RIOK2: variants seen among roughly 807,000 people sequenced by gnomAD.
RIOK2 encodes RIO kinase 2, also known as serine/threonine-protein kinase RIO2.
A neutral mutation model predicts 62.4 loss-of-function variants in RIOK2; 46 were observed. The ratio of observed to expected loss-of-function variants is 0.74; its 90% CI spans 0.58 to 0.94. RIOK2 has a LOEUF of 0.94. RIOK2 is among the 40% of genes least tolerant of loss of function. RIOK2 has a pLI of 0.00. For missense variants in RIOK2, 574 were observed against 658.0 expected (o/e 0.87, Z 1.40); for synonymous variants, 197 against 216.0 (o/e 0.91, Z 0.77).
At chr5:97,170,623 AG>A (rs1051487104) in intron 6 of RIOK2, among the ~76,000 whole-genome samples, 7 of 152,216 alleles carry the variant, frequency 4.6e-5, no homozygotes, top group African/African-American at 1.2e-4. Flanking sequence ...GTTTGAACAA[AG>A]GGTTCCATGG....
chr5:97,162,083 T>G lies in RIOK2; in HGVS notation c.*978A>C, dbSNP rs1748715582. ...TTGGAAAAGTCTGTACTATATTCCC[T>G]CTGGTAGAACATAATTAGGGATGCA... On this transcript the variant is annotated 3_prime_UTR_variant, in exon 10 of 10. Transcript: ENST00000283109. 6.6e-6 allele frequency: 1 copy of G among 152,166 alleles called. No individual in the cohort carries two copies. The highest frequency in any genetic ancestry group is 2.4e-5 in the African/African-American group (1 of 41,440). The allele number at this position is 152,166 out of a possible 1,614,324, so 9.4% of individuals were successfully genotyped here. A position where few individuals can be genotyped will look rare whatever the true frequency, so the allele number is the denominator to read the frequency against.
chr5:97,182,149 A>G (rs1396077432), intron 1 of RIOK2, among the ~76,000 whole-genome samples: 1 of 79,408 alleles, frequency 1.3e-5, no homozygotes, highest in Non-Finnish European at 2.7e-5. Flanking sequence ...CTTGATCTAT[A>G]TATTAATTTC....
At position 97,179,148 on chromosome 5, in the gene RIOK2, T is replaced by C. The variant is rs1226127884; in HGVS notation, c.112A>G (p.Ile38Val). ...TGTTTAAGGCTGGCTATAGAAGCAA[T>C]CAAACTGCCGGGAACAATTTCATGG... ...KNHEIVPGSL[I>V]ASIASLKHGG... Residue 38 changes from isoleucine to valine, a missense_variant, in exon 2 of 10, where the codon ATT (isoleucine) becomes GTT (valine). Physicochemically the swap from Ile to Val is conservative, Grantham distance 29 (BLOSUM62 3). Transcript: ENST00000283109. The C allele has an allele frequency of 6.2e-7, 1 of 1,613,760 alleles. No individual in the cohort carries two copies. Among genetic ancestry groups the C allele is most frequent in the Non-Finnish European group, 8.5e-7 (1 of 1,179,902 alleles).
chr5:97,173,203 C>T lies in RIOK2; in HGVS notation c.559G>A (p.Val187Ile). The change falls in exon 5 of 10, where the codon GTC becomes ATC. Residue 187 changes from valine (V) to isoleucine (I), a missense_variant. Transcript: ENST00000283109. ...KPIDYNRHAV[V>I]MELINGYPLC... ...GGATAACCATTTATGAGTTCCATGA[C>T]CACTGCATGACGATTGTAATCAATT... 5.6e-6 allele frequency: 9 copies of T among 1,612,650 alleles called. No homozygotes were observed. The highest frequency in any genetic ancestry group is 1.3e-5 in the African/African-American group (1 of 75,000).
chr5:97,180,027 A>AATATATATATTAT (rs1749327269), intron 1 of RIOK2, among the ~76,000 whole-genome samples: 2 of 63,460 alleles, frequency 3.2e-5, no homozygotes, highest in South Asian at 4.8e-4. Flanking sequence ...ATATATATAT[A>AATATATATATTAT]ATATATATAT....
chr5:97,183,031 G>A, intron 1 of RIOK2, 95 bp downstream of exon 1: 1 of 1,305,174 alleles, frequency 7.7e-7, no homozygotes, highest in Non-Finnish European at 1.1e-6. Context: ...CCGGGTCCCA[G>A]AGTGTGCCTG....
At chr5:97,178,823 A>C in intron 2 of RIOK2, 1 of 551,246 alleles carries the variant, frequency 1.8e-6, no homozygotes, top group Non-Finnish European at 3.2e-6. Flanking sequence ...CAGTACCTAC[A>C]TGCTCTTCTG....
In RIOK2 at chr5:97,162,732, C is replaced by A. The variant is rs910981295; in HGVS notation, c.*329G>T. The A allele has an allele frequency of 1.0e-5, 2 of 199,766 alleles. No homozygotes were observed. Among genetic ancestry groups the A allele is most frequent in the African/African-American group, 4.7e-5 (2 of 42,576 alleles). 12.4% of individuals were successfully genotyped at this position (199,766 alleles called of 1,614,324 possible). A position where few individuals can be genotyped will look rare whatever the true frequency, so the allele number is the denominator to read the frequency against. ...ATTGAATGCTTAAGAATGTGCTAAACATTGTTCTAATTGCTTTATGTGCAT... is the reference window on the plus strand; with the variant it reads ...ATTGAATGCTTAAGAATGTGCTAAAAATTGTTCTAATTGCTTTATGTGCAT... On this transcript the variant is annotated 3_prime_UTR_variant, in exon 10 of 10. Coordinates refer to ENST00000283109, the MANE Select transcript of RIOK2 (RefSeq NM_018343.3).
intron 2 of RIOK2, 88 bp downstream of exon 2, chr5:97,178,967 G>T (rs1358254129): frequency 1.2e-5 from 18 of 1,478,408 alleles, no homozygotes; most frequent in Non-Finnish European, 1.6e-5. Flanking sequence ...TACTAGTCTG[G>T]CAACTTCTAC....
intron 2 of RIOK2, among the ~76,000 whole-genome samples, chr5:97,178,421 T>G (rs1749232949): frequency 1.3e-5 from 2 of 152,018 alleles, no homozygotes; most frequent in African/African-American, 4.8e-5. Flanking sequence ...AGTACCTACA[T>G]GCTTTTCTGC....
rs144410790 is a variant in RIOK2, at chr5:97,177,196, C to A, written c.418G>T (p.Asp140Tyr). ...ACATTGTGCCTATGTTTATGATAAT[C>A]GCGTTTGTTTTTCAAATTTCGAAAC... ...TSFRNLKNKR[D>Y]YHKHRHNVSW... Residue 140 changes from aspartate (D) to tyrosine (Y), a missense_variant, in exon 4 of 10, where the codon GAT (aspartate) becomes TAT (tyrosine). By Grantham distance (160) the Asp-to-Tyr change is radical. Coordinates refer to ENST00000283109, the MANE Select transcript of RIOK2 (RefSeq NM_018343.3). The A allele has an allele frequency of 6.2e-7, 1 of 1,613,324 alleles. No homozygotes were observed. The highest frequency in any genetic ancestry group is 1.3e-5 in the African/African-American group (1 of 75,010).
chr5:97,169,234 T>C (rs27310), intron 6 of RIOK2, among the ~76,000 whole-genome samples: 88,315 of 151,982 alleles, frequency 0.58, 25,740 homozygotes, highest in East Asian at 0.65. Flanking sequence ...CTATGCTTCT[T>C]ATCAGCAACA....
At chr5:97,179,807 T>A (rs1749286288) in intron 1 of RIOK2, among the ~76,000 whole-genome samples, 1 of 38,422 alleles carries the variant, frequency 2.6e-5, no homozygotes, top group African/African-American at 1.1e-4. Context: ...CACTGGGGCC[T>A]GTCGGGGGGT....
chr5:97,166,674 A>G, intron 8 of RIOK2: 2 of 648,070 alleles, frequency 3.1e-6, no homozygotes, highest in Non-Finnish European at 3.8e-6. Context: ...ACATAATATC[A>G]TTAGATAATT....
intron 1 of RIOK2, chr5:97,182,738 G>A: frequency 4.2e-6 from 1 of 238,386 alleles, no homozygotes; most frequent in South Asian, 4.7e-5. Flanking sequence ...ACTGCTATGC[G>A]ACTGAGTCTG....
intron 6 of RIOK2, among the ~76,000 whole-genome samples, chr5:97,169,418 A>G (rs1414898572): frequency 6.6e-6 from 1 of 152,238 alleles, no homozygotes; most frequent in Non-Finnish European, 1.5e-5. Flanking sequence ...TAATCTGAGG[A>G]CATGTTAATC....
intron 1 of RIOK2, among the ~76,000 whole-genome samples, chr5:97,180,356 A>G (rs1184355546): frequency 6.6e-6 from 1 of 151,680 alleles, no homozygotes; most frequent in Non-Finnish European, 1.5e-5. Context: ...AGATGTGGGC[A>G]TACAGAGAAA....
chr5:97,179,059 G>T lies in RIOK2; in HGVS notation c.201C>A (p.Thr67=), dbSNP rs1749260842. The T allele has an allele frequency of 3.7e-6, 6 of 1,613,536 alleles. No homozygotes were observed. The highest frequency in any genetic ancestry group is 5.1e-6 in the Non-Finnish European group (6 of 1,179,882). Residue 67 remains threonine (T), a synonymous_variant, in exon 2 of 10, where the codon ACC becomes ACA. Transcript: ENST00000283109. The stretch of plus-strand genomic sequence containing the variant: ...ATGGTGCCTCAAAATACTTACTTTT[G>T]GTACGCTCCCAAGCTATGAGTTTAT... ...VKHKLIAWER[T]KTVQGYRLTN... is the part of the protein sequence containing the mutation.
intron 8 of RIOK2, chr5:97,166,830 G>T: frequency 3.1e-6 from 3 of 983,058 alleles, no homozygotes; most frequent in Non-Finnish European, 3.6e-6. Flanking sequence ...GTGTAATTAG[G>T]AAAATATATG....
Sources: allele counts gnomAD v4.1 joint callset (sites outside exome capture counted in the v4.1 genomes callset), GRCh38; gene constraint gnomAD v4.1.1; transcripts MANE v1.5; gene names NCBI Gene and HGNC (gene_info 2026-07-23, HGNC 2026-07-21).